The following ODAD2 variants were observed in gnomAD, a reference collection of about 807,000 sequenced individuals.
ODAD2 encodes the protein outer dynein arm docking complex subunit 2, also known as outer dynein arm-docking complex subunit 2.
Under a neutral mutation model 106.8 loss-of-function variants are expected in ODAD2, and 89 were observed. The observed-to-expected ratio is 0.83, with a 90% CI of 0.70 to 0.99. ODAD2 has a LOEUF of 0.99. Ranked by LOEUF, ODAD2 falls within the 50% of genes least tolerant of loss-of-function variation. The pLI is 0.00. For synonymous variants in ODAD2, 404 were observed against 436.2 expected (o/e 0.93, Z 0.92); for missense variants, 1,168 against 1,238.5 (o/e 0.94, Z 0.85).
At chr10:27,870,797 T>C (rs1255075691) in intron 17 of ODAD2, among the ~76,000 whole-genome samples, 2 of 152,200 alleles carry the variant, frequency 1.3e-5, no homozygotes, top group East Asian at 3.8e-4. Context: ...CTATTGTGAA[T>C]AGTGCCACAA....
chr10:27,998,759 G>A (rs1281814155), intron 1 of ODAD2, among the ~76,000 whole-genome samples: 2 of 152,126 alleles, frequency 1.3e-5, no homozygotes, highest in East Asian at 3.9e-4. Context: ...GGCGGCTGCA[G>A]AACCCCTGCG....
intron 9 of ODAD2, among the ~76,000 whole-genome samples, chr10:27,964,513 A>G (rs759020460): frequency 2.0e-5 from 3 of 152,342 alleles, no homozygotes; most frequent in Admixed American, 6.5e-5. Flanking sequence ...GCTGGCTGCC[A>G]GGTATCAAGT....
intron 9 of ODAD2, among the ~76,000 whole-genome samples, chr10:27,963,303 G>A (rs190528266): frequency 3.4e-4 from 52 of 152,102 alleles, no homozygotes; most frequent in Non-Finnish European, 5.4e-4. Context: ...CACTGCACCC[G>A]GCCTGTCCCA....
intron 10 of ODAD2, among the ~76,000 whole-genome samples, chr10:27,945,621 G>C (rs1268123032): frequency 6.6e-6 from 1 of 152,166 alleles, no homozygotes; most frequent in African/African-American, 2.4e-5. Flanking sequence ...GTAGTAGTGA[G>C]ATGCTCCTTC....
At chr10:27,919,343 A>C (rs1216865244) in intron 16 of ODAD2, among the ~76,000 whole-genome samples, 1 of 152,038 alleles carries the variant, frequency 6.6e-6, no homozygotes. Flanking sequence ...CGAAAAATTG[A>C]CCTTCCTCAT....
intron 17 of ODAD2, chr10:27,905,066 G>A (rs1024412812): frequency 2.1e-4 from 41 of 195,458 alleles, no homozygotes; most frequent in Non-Finnish European, 4.3e-4. Context: ...TGAGCGCTGA[G>A]CCCAGCTGCA....
At chr10:27,901,596 CA>C (rs1235357520) in intron 17 of ODAD2, among the ~76,000 whole-genome samples, 6 of 151,890 alleles carry the variant, frequency 4.0e-5, no homozygotes, top group Admixed American at 2.6e-4. Flanking sequence ...GACATAGGCT[CA>C]AAATAAAGGA....
intron 17 of ODAD2, among the ~76,000 whole-genome samples, chr10:27,864,071 G>C (rs1449189247): frequency 1.3e-5 from 2 of 152,054 alleles, no homozygotes; most frequent in Non-Finnish European, 2.9e-5. Context: ...CAGGGTTGGA[G>C]TGGGTGCAAA....
At chr10:27,924,060 A>AGGAAAG (rs1485787461) in intron 16 of ODAD2, among the ~76,000 whole-genome samples, 3 of 151,724 alleles carry the variant, frequency 2.0e-5, no homozygotes, top group East Asian at 1.9e-4. Context: ...GAAAGAAAGA[A>AGGAAAG]AGAAAGAAAG....
chr10:27,964,293 A>G (rs1372593430), intron 9 of ODAD2, among the ~76,000 whole-genome samples: 1 of 152,200 alleles, frequency 6.6e-6, no homozygotes, highest in African/African-American at 2.4e-5. Context: ...CATAGTTGTA[A>G]TGGGAGCTGT....
rs7079452 is a variant in ODAD2 at position 27,814,250 on chromosome 10, G to A, written c.3022-1625C>T. On this transcript the variant is annotated intron_variant, in intron 19 of 19. Transcript: ENST00000305242. ...CCCAGCTATCACCCAGGAAGAGGAG[G>A]GGTCAGGCTCCTGCCTGCTGCAAAC... is the stretch of plus-strand genomic sequence containing the variant. Among the ~76,000 whole-genome samples, 1,212 of 152,218 alleles carry A rather than the reference G, an allele frequency of 8.0e-3. 18 individuals carry two copies. Among genetic ancestry groups the A allele is most frequent in the African/African-American group, 0.028 (1,157 of 41,552 alleles).
rs554862683 is a variant in ODAD2, at chr10:27,996,423, A to G, written c.-38-1243T>C. ...TGCTGATAAAGAGTATAGAAATATT[A>G]TAGAGATGTCTAGTTATCAACATGA... On this transcript the variant is annotated intron_variant, in intron 1 of 19. Coordinates refer to ENST00000305242, the MANE Select transcript of ODAD2 (RefSeq NM_018076.5). Among the ~76,000 whole-genome samples the G allele has an allele frequency of 7.5e-4, 114 of 152,308 alleles. 2 individuals are homozygous for G. In the South Asian group the frequency reaches 0.023, roughly 31 times the overall value.
intron 17 of ODAD2, among the ~76,000 whole-genome samples, chr10:27,872,329 T>C (rs1840959665): frequency 6.6e-6 from 1 of 152,136 alleles, no homozygotes; most frequent in African/African-American, 2.4e-5. Flanking sequence ...CCTCTTTTCC[T>C]AATTAAATAC....
chr10:27,975,389 T>C (rs1164421256), intron 7 of ODAD2, among the ~76,000 whole-genome samples: 1 of 152,102 alleles, frequency 6.6e-6, no homozygotes, highest in South Asian at 2.1e-4. Flanking sequence ...TATAGTCCTA[T>C]AGGTGGATCA....
At chr10:27,949,765 C>T (rs1410282620) in intron 10 of ODAD2, among the ~76,000 whole-genome samples, 4 of 152,040 alleles carry the variant, frequency 2.6e-5, no homozygotes, top group African/African-American at 7.2e-5. Context: ...AGGGGGCAAG[C>T]GTGGATGGAT....
intron 16 of ODAD2, among the ~76,000 whole-genome samples, chr10:27,916,117 C>T (rs1394037857): frequency 6.6e-6 from 1 of 151,976 alleles, no homozygotes; most frequent in African/African-American, 2.4e-5. Context: ...GGGAATATCC[C>T]CACTGAGAAT....
intron 19 of ODAD2, among the ~76,000 whole-genome samples, chr10:27,830,204 G>A (rs1055701100): frequency 1.3e-5 from 2 of 152,104 alleles, no homozygotes; most frequent in Non-Finnish European, 1.5e-5. Flanking sequence ...CTCACCTCCT[G>A]GTTTCCCGGA....
chr10:27,883,054 G>A (rs1232199939), intron 17 of ODAD2, among the ~76,000 whole-genome samples: 2 of 152,000 alleles, frequency 1.3e-5, no homozygotes, highest in South Asian at 2.1e-4. Flanking sequence ...CACATTCCTG[G>A]GAATCTAAAA....
chr10:27,986,586 T>TA (rs1179169739), intron 3 of ODAD2, among the ~76,000 whole-genome samples: 4 of 151,570 alleles, frequency 2.6e-5, no homozygotes, highest in Admixed American at 6.6e-5. Context: ...AAAATAAAAG[T>TA]AAAAAAAAGA....
Sources: allele counts gnomAD v4.1 joint callset (sites outside exome capture counted in the v4.1 genomes callset), GRCh38; gene constraint gnomAD v4.1.1; transcripts MANE v1.5; gene names NCBI Gene and HGNC (gene_info 2026-07-23, HGNC 2026-07-21).